Variants in HOXC10 observed in about 807,000 individuals in gnomAD.
The protein encoded by HOXC10 is homeobox C10.
A neutral mutation model predicts 26.0 loss-of-function variants in HOXC10; 15 were observed. That is an observed-to-expected ratio of 0.58 (90% CI 0.39 to 0.89). HOXC10 has a LOEUF of 0.89. Among genes scored for constraint, HOXC10 ranks in the 40% least tolerant of loss-of-function variants. HOXC10 has a pLI of 0.00. For synonymous variants in HOXC10, 196 were observed against 185.5 expected (o/e 1.06, Z -0.46); for missense variants, 446 against 451.9 (o/e 0.99, Z 0.12).
Position 53,985,606 on chromosome 12 carries a change from C to T in HOXC10, c.347C>T (p.Ala116Val). ...KEENVCCMYS[A>V]EKRAKSGPEA... ...GAGAATGTCTGCTGCATGTACAGCG[C>T]AGAGAAGCGGGCGAAAAGTGGCCCC... Residue 116 changes from alanine (A) to valine (V), a missense_variant, in exon 1 of 2, where the codon GCA becomes GTA. By Grantham distance (64) the Ala-to-Val change is moderately conservative. Coordinates refer to ENST00000303460, the MANE Select transcript of HOXC10 (RefSeq NM_017409.4). 2 of 1,613,870 alleles carry T rather than the reference C, an allele frequency of 1.2e-6. No individual in the cohort carries two copies. The highest frequency in any genetic ancestry group is 1.7e-6 in the Non-Finnish European group (2 of 1,180,034).
chr12:53,985,424 G>C lies in HOXC10; in HGVS notation c.165G>C (p.Lys55Asn). 6.2e-7 allele frequency: 1 copy of C among 1,612,730 alleles called. No individual in the cohort carries two copies. The highest frequency in any genetic ancestry group is 8.5e-7 in the Non-Finnish European group (1 of 1,179,842). The change falls in exon 1 of 2, where the codon AAG becomes AAC. Residue 55 changes from lysine to asparagine, a missense_variant. Physicochemically the swap from Lys to Asn is moderately conservative, Grantham distance 94. Coordinates refer to ENST00000303460, the MANE Select transcript of HOXC10 (RefSeq NM_017409.4). ...RGCGLAPSLS[K>N]RDEGSSPSLA... ...GCGGGCTCGCGCCCTCGCTCTCCAA[G>C]AGGGACGAGGGCAGCAGCCCCAGCC...
rs535670613 is a variant in HOXC10, at chr12:53,985,727, C to G, written c.468C>G (p.Ser156=). The G allele has an allele frequency of 6.2e-7, 1 of 1,611,244 alleles. No individual in the cohort carries two copies. Among genetic ancestry groups the G allele is most frequent in the Non-Finnish European group, 8.5e-7 (1 of 1,178,000 alleles). The change falls in exon 1 of 2, where the codon TCC becomes TCG. Residue 156 remains serine, a synonymous_variant. Transcript: ENST00000303460. ...ACTACCGCGCCAGCCCGAGCTACTCCGCGCTGGACAAGACGCCCCACTGTT... is the reference window on the plus strand; with the variant it reads ...ACTACCGCGCCAGCCCGAGCTACTCGGCGCTGGACAAGACGCCCCACTGTT... The part of the protein sequence containing the change: ...PSYYRASPSY[S]ALDKTPHCSG...
Position 53,989,728 on chromosome 12 carries a change from CCACGCACTCACA to C in HOXC10, c.*286_*297del, listed in dbSNP as rs1939489207. 2.3e-6 allele frequency: 1 copy of C among 444,052 alleles called. No homozygotes were observed. The highest frequency in any genetic ancestry group is 4.0e-6 in the Non-Finnish European group (1 of 250,730). 27.5% of individuals were successfully genotyped at this position (444,052 alleles called of 1,614,324 possible). A position where few individuals can be genotyped will look rare whatever the true frequency, so the allele number is the denominator to read the frequency against. The stretch of plus-strand genomic sequence containing the variant: ...GTGTGTGTGTCAAGCCCTCACTCAC[CCACGCACTCACA>C]CACAGCATTCTGTTCTCCATGCAAA... On this transcript the variant is annotated 3_prime_UTR_variant, in exon 2 of 2. Coordinates refer to ENST00000303460, the MANE Select transcript of HOXC10 (RefSeq NM_017409.4).
rs375042242 is a variant in HOXC10 at position 53,989,424 on chromosome 12, C to A, written c.1007C>A (p.Thr336Asn). 252 of 1,613,306 alleles carry A rather than the reference C, an allele frequency of 1.6e-4. 2 individuals are homozygous for A. The South Asian group carries it at 2.2e-3, about 14-fold the overall frequency. The change falls in exon 2 of 2, where the codon ACC becomes AAC. Residue 336 changes from threonine (T) to asparagine (N), a missense_variant. Transcript: ENST00000303460. ...MNRENRIREL[T>N]SNFNFT ...CGAGAGAATCGGATCCGGGAACTGA[C>A]CTCCAATTTTAATTTCACCTGAGAG... is the stretch of plus-strand genomic sequence containing the variant.
chr12:53,989,339 A>C lies in HOXC10; in HGVS notation c.922A>C (p.Thr308Pro), dbSNP rs764018812. The C allele has an allele frequency of 6.2e-7, 1 of 1,613,950 alleles. No individual in the cohort carries two copies. The highest frequency in any genetic ancestry group is 1.6e-4 in the Middle Eastern group (1 of 6,084). ...GGAGATTAGCAAGACCATTAACCTT[A>C]CAGACAGACAAGTCAAAATCTGGTT... ...RLEISKTINL[T>P]DRQVKIWFQN... The change falls in exon 2 of 2, where the codon ACA becomes CCA. Residue 308 changes from threonine to proline, a missense_variant. Physicochemically the swap from Thr to Pro is conservative, Grantham distance 38. Transcript: ENST00000303460.
In HOXC10 at chr12:53,989,682, A is replaced by G; in HGVS notation, c.*236A>G. ...TGGGGTGTGGTGTGTGCCCTCATAGATGGGGGTGGGAGTGTGGCTGGTGTG... is the reference window on the plus strand; with the variant it reads ...TGGGGTGTGGTGTGTGCCCTCATAGGTGGGGGTGGGAGTGTGGCTGGTGTG... On this transcript the variant is annotated 3_prime_UTR_variant, in exon 2 of 2. Coordinates refer to ENST00000303460, the MANE Select transcript of HOXC10 (RefSeq NM_017409.4). The G allele has an allele frequency of 5.5e-6, 3 of 550,156 alleles. No individual in the cohort carries two copies. In the South Asian group the frequency reaches 7.3e-5, roughly 13 times the overall value. The allele number at this position is 550,156 out of a possible 1,614,324, so 34.1% of individuals were successfully genotyped here. A position where few individuals can be genotyped will look rare whatever the true frequency, so the allele number is the denominator to read the frequency against.
chr12:53,987,874 A>C (rs1939462690), intron 1 of HOXC10, among the ~76,000 whole-genome samples: 1 of 152,166 alleles, frequency 6.6e-6, no homozygotes, highest in African/African-American at 2.4e-5. Flanking sequence ...AGATGTGGAG[A>C]GCTTGTAAAC....
chr12:53,987,910 G>T (rs1292524768), intron 1 of HOXC10, among the ~76,000 whole-genome samples: 1 of 151,674 alleles, frequency 6.6e-6, no homozygotes, highest in African/African-American at 2.4e-5. Flanking sequence ...TGCAGGTGCA[G>T]AGACAGGAGA....
In HOXC10 at chr12:53,985,458, A is replaced by C. The variant is rs146103441; in HGVS notation, c.199A>C (p.Asn67His). The C allele has an allele frequency of 5.8e-5, 93 of 1,613,064 alleles. No individual in the cohort carries two copies. The Middle Eastern group carries it at 9.9e-4, about 17-fold the overall frequency. ...GGGCAGCAGCCCCAGCCTCGCCCTC[A>C]ACACCTATCCGTCCTACCTCTCGCA... ...DEGSSPSLAL[N>H]TYPSYLSQLD... Residue 67 changes from asparagine to histidine, a missense_variant, in exon 1 of 2, where the codon AAC becomes CAC. Coordinates refer to ENST00000303460, the MANE Select transcript of HOXC10 (RefSeq NM_017409.4).
chr12:53,986,083 G>C (rs766361383), intron 1 of HOXC10, 73 bp downstream of exon 1: 538 of 1,459,510 alleles, frequency 3.7e-4, no homozygotes, highest in Non-Finnish European at 4.4e-4. Flanking sequence ...GAGGGGGGCA[G>C]GGGAGAGGGT....
Position 53,985,896 on chromosome 12 carries a change from G to C in HOXC10, c.637G>C (p.Glu213Gln). 6.2e-7 allele frequency: 1 copy of C among 1,613,892 alleles called. No homozygotes were observed. Among genetic ancestry groups the C allele is most frequent in the Non-Finnish European group, 8.5e-7 (1 of 1,180,030 alleles). Residue 213 changes from glutamate to glutamine, a missense_variant, in exon 1 of 2, where the codon GAA becomes CAA. Glu to Gln is a conservative substitution (Grantham distance 29, BLOSUM62 2). Coordinates refer to ENST00000303460, the MANE Select transcript of HOXC10 (RefSeq NM_017409.4). ...KSDSQTPSPN[E>Q]IKTEQSLAGP... ...CGACAGCCAGACCCCCAGCCCCAATGAAATCAAGACGGAGCAGAGCCTGGC... is the reference window on the plus strand; with the variant it reads ...CGACAGCCAGACCCCCAGCCCCAATCAAATCAAGACGGAGCAGAGCCTGGC...
At chr12:53,988,427 T>C (rs1592201961) in intron 1 of HOXC10, among the ~76,000 whole-genome samples, 1 of 152,188 alleles carries the variant, frequency 6.6e-6, no homozygotes. Flanking sequence ...CCTCAGGATA[T>C]GTCTCTCCCT....
At chr12:53,987,257 T>C (rs768864004) in intron 1 of HOXC10, among the ~76,000 whole-genome samples, 12 of 152,192 alleles carry the variant, frequency 7.9e-5, no homozygotes, top group Non-Finnish European at 1.3e-4. Flanking sequence ...CGCACATCCA[T>C]ATTGCATGAT....
chr12:53,989,559 A>C lies in HOXC10; in HGVS notation c.*113A>C. On this transcript the variant is annotated 3_prime_UTR_variant, in exon 2 of 2. Coordinates refer to ENST00000303460, the MANE Select transcript of HOXC10 (RefSeq NM_017409.4). ...CTGAGTATAAATGCAATGCGACTGC[A>C]AAAAAGGCAAAGACCTCAGACTCTC... 9.5e-7 allele frequency: 1 copy of C among 1,048,126 alleles called. No homozygotes were observed. The highest frequency in any genetic ancestry group is 2.6e-5 in the East Asian group (1 of 38,436). 64.9% of individuals were successfully genotyped at this position (1,048,126 alleles called of 1,614,324 possible).
In HOXC10 at chr12:53,989,993, C is replaced by T. The variant is rs903181454; in HGVS notation, c.*547C>T. 3 of 152,922 alleles carry T rather than the reference C, an allele frequency of 2.0e-5. No homozygotes were observed. The highest frequency in any genetic ancestry group is 7.2e-5 in the African/African-American group (3 of 41,402). The allele number at this position is 152,922 out of a possible 1,614,324, so 9.5% of individuals were successfully genotyped here. ...TTTACCTCCCAGTCGCTCTAAGAAT[C>T]TGCTTGAAGTCTCGTATTTGTACTG... On this transcript the variant is annotated 3_prime_UTR_variant, in exon 2 of 2. Coordinates refer to ENST00000303460, the MANE Select transcript of HOXC10 (RefSeq NM_017409.4).
In HOXC10 at chr12:53,985,506, A is replaced by C. The variant is rs753877988; in HGVS notation, c.247A>C (p.Lys83Gln). The change falls in exon 1 of 2, where the codon AAA becomes CAA. Residue 83 changes from lysine to glutamine, a missense_variant. Coordinates refer to ENST00000303460, the MANE Select transcript of HOXC10 (RefSeq NM_017409.4). ...LSQLDSWGDPKAAYRLEQPVG... is the reference protein window; with the variant it reads ...LSQLDSWGDPQAAYRLEQPVG... ...GCAGCTGGACTCCTGGGGCGACCCCAAAGCCGCCTATCGCCTGGAACAACC... is the reference window on the plus strand; with the variant it reads ...GCAGCTGGACTCCTGGGGCGACCCCCAAGCCGCCTATCGCCTGGAACAACC... 108 of 1,613,708 alleles carry C rather than the reference A, an allele frequency of 6.7e-5. No homozygotes were observed. The highest frequency in any genetic ancestry group is 1.0e-4 in the Admixed American group (6 of 60,018).
intron 1 of HOXC10, among the ~76,000 whole-genome samples, chr12:53,988,442 C>T (rs555419444): frequency 1.3e-5 from 2 of 152,320 alleles, no homozygotes; most frequent in East Asian, 3.9e-4. Context: ...CTCCCTTGAC[C>T]TTAGGTCCTT....
At position 53,985,516 on chromosome 12, in the gene HOXC10, A is replaced by G. The variant is rs758078495; in HGVS notation, c.257A>G (p.Tyr86Cys). ...LDSWGDPKAA[Y>C]RLEQPVGRPL... ...TCCTGGGGCGACCCCAAAGCCGCCT[A>G]TCGCCTGGAACAACCTGTTGGCAGG... Residue 86 changes from tyrosine (Y) to cysteine (C), a missense_variant, in exon 1 of 2, where the codon TAT becomes TGT. Transcript: ENST00000303460. 1 of 1,613,888 alleles carries G rather than the reference A, an allele frequency of 6.2e-7. No individual in the cohort carries two copies. Among genetic ancestry groups the G allele is most frequent in the East Asian group, 2.2e-5 (1 of 44,872 alleles).
In HOXC10 at chr12:53,985,272, C is replaced by A; in HGVS notation, c.13C>A (p.Arg5Ser). Residue 5 changes from arginine (R) to serine (S), a missense_variant, in exon 1 of 2, where the codon CGC becomes AGC. Coordinates refer to ENST00000303460, the MANE Select transcript of HOXC10 (RefSeq NM_017409.4). ...CCTCTCTCTGAAAATGACATGCCCT[C>A]GCAATGTAACTCCGAACTCGTACGC... MTCP[R>S]NVTPNSYAEP... 1.3e-6 allele frequency: 2 copies of A among 1,553,242 alleles called. No individual in the cohort carries two copies. Among genetic ancestry groups the A allele is most frequent in the South Asian group, 2.4e-5 (2 of 81,816 alleles).
Sources: gnomAD v4.1 joint callset for allele counts (sites outside exome capture counted in the v4.1 genomes callset) on GRCh38, gnomAD v4.1.1 for gene constraint, MANE v1.5 for transcripts, NCBI Gene and HGNC (gene_info 2026-07-23, HGNC 2026-07-21) for gene names.